Variants in KRABD5 observed in about 807,000 individuals in gnomAD.
KRABD5 encodes KRAB domain containing 5.
the KRABD5 span, among the ~76,000 whole-genome samples, chr16:31,747,089 A>G: frequency 5.3e-5 from 8 of 151,366 alleles, no homozygotes; most frequent in Non-Finnish European, 1.2e-4. Flanking sequence ...TGCTGCACCC[A>G]TTAACTCGTC....
At chr16:31,723,631 T>C in the KRABD5 span, among the ~76,000 whole-genome samples, 2 of 152,246 alleles carry the variant, frequency 1.3e-5, no homozygotes, top group African/African-American at 2.4e-5. Flanking sequence ...GTGATCTGAC[T>C]GTTCTTCCAT....
the KRABD5 span, among the ~76,000 whole-genome samples, chr16:31,720,539 G>T: frequency 6.6e-6 from 1 of 152,176 alleles, no homozygotes; most frequent in Non-Finnish European, 1.5e-5. Flanking sequence ...CCAGTTTTAA[G>T]AAATATGGCC....
At chr16:31,739,707 C>T in the KRABD5 span, among the ~76,000 whole-genome samples, 1 of 152,134 alleles carries the variant, frequency 6.6e-6, no homozygotes, top group African/African-American at 2.4e-5. Context: ...TGGGAACAGG[C>T]CCCCAAATCT....
At chr16:31,759,451 G>A in the KRABD5 span, 1 of 1,521,226 alleles carries the variant, frequency 6.6e-7, no homozygotes, top group Non-Finnish European at 8.9e-7. Flanking sequence ...TGATGAAAGT[G>A]TTGCTTCGAA....
the KRABD5 span, chr16:31,759,375 G>GAA: frequency 4.4e-5 from 67 of 1,531,468 alleles, no homozygotes; most frequent in Middle Eastern, 1.7e-4. Flanking sequence ...ATCCTATGGT[G>GAA]AAAAAAATCA....
chr16:31,733,529 A>G, the KRABD5 span: 4 of 456,138 alleles, frequency 8.8e-6, no homozygotes, highest in Non-Finnish European at 1.8e-5. Context: ...GTGAATACCC[A>G]TTAAACAACA....
chr16:31,731,841 T>C, the KRABD5 span, among the ~76,000 whole-genome samples: 4 of 152,200 alleles, frequency 2.6e-5, no homozygotes, highest in Admixed American at 2.0e-4. Flanking sequence ...GATTCCCATT[T>C]GGGTCAGTGT....
At chr16:31,716,811 A>G in the KRABD5 span, among the ~76,000 whole-genome samples, 1 of 152,216 alleles carries the variant, frequency 6.6e-6, no homozygotes, top group Non-Finnish European at 1.5e-5. Flanking sequence ...GTGAGAACAA[A>G]TACAAATTAA....
chr16:31,750,717 G>T, the KRABD5 span, among the ~76,000 whole-genome samples: 218 of 147,290 alleles, frequency 1.5e-3, no homozygotes, highest in African/African-American at 2.2e-3. Context: ...TTGTTGAGGG[G>T]TTTTTTTTTT....
At chr16:31,715,359 C>G in the KRABD5 span, among the ~76,000 whole-genome samples, 1 of 152,140 alleles carries the variant, frequency 6.6e-6, no homozygotes, top group Admixed American at 6.5e-5. Flanking sequence ...GAAGAAGATT[C>G]TTTGCAGTAA....
chr16:31,716,841 T>G, the KRABD5 span, among the ~76,000 whole-genome samples: 1 of 152,238 alleles, frequency 6.6e-6, no homozygotes, highest in Admixed American at 6.5e-5. Context: ...ACTTAACTCT[T>G]CTTGAAAATA....
the KRABD5 span, among the ~76,000 whole-genome samples, chr16:31,716,494 C>T: frequency 6.6e-6 from 1 of 152,168 alleles, no homozygotes; most frequent in African/African-American, 2.4e-5. Flanking sequence ...CCCACCTCAG[C>T]CTCCCCAATC....
the KRABD5 span, among the ~76,000 whole-genome samples, chr16:31,745,367 T>G: frequency 6.6e-6 from 1 of 152,322 alleles, no homozygotes; most frequent in Non-Finnish European, 1.5e-5. Flanking sequence ...CTGCCTTAAT[T>G]TCATTATTTT....
the KRABD5 span, among the ~76,000 whole-genome samples, chr16:31,716,993 CTTTG>C: frequency 6.2e-5 from 7 of 113,366 alleles, no homozygotes; most frequent in African/African-American, 1.3e-4. Context: ...GTCAGTCAGT[CTTTG>C]TTTTTTTTTT....
At chr16:31,718,496 G>GAACCACTCACAGAACT in the KRABD5 span, among the ~76,000 whole-genome samples, 1 of 152,130 alleles carries the variant, frequency 6.6e-6, no homozygotes, top group Non-Finnish European at 1.5e-5. Context: ...GTTCTGTGAG[G>GAACCACTCACAGAACT]GCCTTCTGGT....
chr16:31,730,000 A>T, the KRABD5 span, among the ~76,000 whole-genome samples: 1 of 151,852 alleles, frequency 6.6e-6, no homozygotes, highest in African/African-American at 2.4e-5. Context: ...TCATAGCTAT[A>T]CTTTTAAAAA....
chr16:31,720,441 A>G, the KRABD5 span, among the ~76,000 whole-genome samples: 1 of 152,138 alleles, frequency 6.6e-6, no homozygotes, highest in Non-Finnish European at 1.5e-5. Context: ...GCCCCAGAAT[A>G]CCAAATGATG....
At chr16:31,733,944 C>T in the KRABD5 span, among the ~76,000 whole-genome samples, 1 of 152,146 alleles carries the variant, frequency 6.6e-6, no homozygotes, top group Admixed American at 6.5e-5. Flanking sequence ...TATGTTCTTG[C>T]TTTTTGTTGC....
the KRABD5 span, among the ~76,000 whole-genome samples, chr16:31,740,613 G>A: frequency 6.7e-6 from 1 of 149,290 alleles, no homozygotes; most frequent in African/African-American, 2.5e-5. Flanking sequence ...GGGCAGTATT[G>A]CAAGACCCTG....
Sources: gnomAD v4.1 joint callset for allele counts (sites outside exome capture counted in the v4.1 genomes callset) on GRCh38, gnomAD v4.1.1 for gene constraint, MANE v1.5 for transcripts, NCBI Gene and HGNC (gene_info 2026-07-23, HGNC 2026-07-21) for gene names.